Variants in PPP3CA observed in about 807,000 individuals in gnomAD.
PPP3CA encodes CAM-PRP catalytic subunit.
Under a neutral mutation model 66.5 loss-of-function variants are expected in PPP3CA, and 14 were observed. That is an observed-to-expected ratio of 0.21 (90% CI 0.14 to 0.33). The LOEUF (loss-of-function observed/expected upper bound fraction) is 0.33. Among genes scored for constraint, PPP3CA ranks in the 10% least tolerant of loss-of-function variants. The pLI is 1.00. For missense variants in PPP3CA, 317 were observed against 639.5 expected, an observed-to-expected ratio of 0.50 and a Z score of 5.44; for synonymous variants, 232 against 226.2, an observed-to-expected ratio of 1.03 and a Z score of -0.23.
intron 1 of PPP3CA, among the ~76,000 whole-genome samples, chr4:101,287,746 C>T (rs911974328): frequency 8.0e-5 from 12 of 149,578 alleles, no homozygotes; most frequent in African/African-American, 2.9e-4. Flanking sequence ...AAAATAGTAG[C>T]TAGTGTTCTA....
At position 101,064,533 on chromosome 4, in the gene PPP3CA, T is replaced by C. The variant is rs372580622; in HGVS notation, c.956-1176A>G. On this transcript the variant is annotated intron_variant, in intron 8 of 13. Coordinates refer to ENST00000394854, the MANE Select transcript of PPP3CA (RefSeq NM_000944.5). The stretch of plus-strand genomic sequence containing the variant: ...ATATGATCTTTTCTTGCTTATGTTA[T>C]GGGGTTGAAAATACAGAAAAAGTAA... Among the ~76,000 whole-genome samples the C allele has an allele frequency of 1.3e-3, 198 of 152,190 alleles. 1 individual carries two copies. The highest frequency in any genetic ancestry group is 4.6e-3 in the African/African-American group (192 of 41,564).
At chr4:101,103,845 T>C (rs993485908) in intron 3 of PPP3CA, among the ~76,000 whole-genome samples, 5 of 152,224 alleles carry the variant, frequency 3.3e-5, no homozygotes, top group African/African-American at 1.2e-4. Context: ...CACAGACCTA[T>C]ATATACACAT....
chr4:101,284,785 T>C (rs1727786228), intron 1 of PPP3CA, among the ~76,000 whole-genome samples: 1 of 152,190 alleles, frequency 6.6e-6, no homozygotes. Flanking sequence ...TGGGAGCAAC[T>C]ACATTTTTTG....
chr4:101,224,198 C>T (rs1017838714), intron 1 of PPP3CA, among the ~76,000 whole-genome samples: 7 of 151,728 alleles, frequency 4.6e-5, no homozygotes, highest in South Asian at 2.1e-4. Flanking sequence ...AGGCATAAAT[C>T]GTTACTGTCC....
At chr4:101,195,791 T>C (rs1724770556) in intron 2 of PPP3CA, 125 bp downstream of exon 2, 2 of 730,800 alleles carry the variant, frequency 2.7e-6, no homozygotes, top group South Asian at 3.7e-5. Context: ...AATGTATAGA[T>C]TCAACAGTAA....
intron 1 of PPP3CA, among the ~76,000 whole-genome samples, chr4:101,311,673 G>A (rs576620821): frequency 1.3e-5 from 2 of 152,204 alleles, no homozygotes; most frequent in East Asian, 1.9e-4. Flanking sequence ...TCAGCTACTC[G>A]GGAGGCTCAG....
At chr4:101,109,618 C>T (rs1438253268) in intron 2 of PPP3CA, among the ~76,000 whole-genome samples, 1 of 140,820 alleles carries the variant, frequency 7.1e-6, no homozygotes, top group African/African-American at 2.6e-5. Context: ...GAATGTTATC[C>T]ATTGTAAGAC....
chr4:101,065,450 G>A (rs1560584797), intron 8 of PPP3CA, among the ~76,000 whole-genome samples: 1 of 152,068 alleles, frequency 6.6e-6, no homozygotes, highest in Non-Finnish European at 1.5e-5. Flanking sequence ...AGGAAGGAAA[G>A]TAAATATTAT....
chr4:101,195,568 G>C (rs937261013), intron 2 of PPP3CA, among the ~76,000 whole-genome samples: 2 of 152,142 alleles, frequency 1.3e-5, no homozygotes, highest in African/African-American at 2.4e-5. Context: ...CTCAACCATT[G>C]TGGAAGTCTC....
At chr4:101,302,505 T>C (rs1728410435) in intron 1 of PPP3CA, among the ~76,000 whole-genome samples, 1 of 152,204 alleles carries the variant, frequency 6.6e-6, no homozygotes, top group East Asian at 1.9e-4. Context: ...GAACATGACA[T>C]GACATCTCTA....
At chr4:101,288,778 C>T (rs566557317) in intron 1 of PPP3CA, among the ~76,000 whole-genome samples, 1 of 151,798 alleles carries the variant, frequency 6.6e-6, no homozygotes, top group South Asian at 2.1e-4. Context: ...TTTTTCCCCC[C>T]AAAAAATGTT....
intron 2 of PPP3CA, among the ~76,000 whole-genome samples, chr4:101,193,317 G>C (rs940562035): frequency 6.6e-6 from 1 of 152,104 alleles, no homozygotes; most frequent in Admixed American, 6.6e-5. Context: ...TTCCATTTGT[G>C]TGTTTGCAAG....
intron 8 of PPP3CA, among the ~76,000 whole-genome samples, 185 bp from the exon 9 acceptor site, chr4:101,063,542 C>T (rs1011843240): frequency 2.6e-5 from 4 of 151,852 alleles, no homozygotes; most frequent in Admixed American, 1.3e-4. Context: ...TAATATATAA[C>T]TGCACAATAT....
intron 10 of PPP3CA, among the ~76,000 whole-genome samples, chr4:101,056,262 T>A (rs1350260681): frequency 6.6e-6 from 1 of 152,214 alleles, no homozygotes; most frequent in Non-Finnish European, 1.5e-5. Context: ...AATTGCCTAG[T>A]AAACTTAACA....
chr4:101,137,001 T>G (rs1722644306), intron 2 of PPP3CA, among the ~76,000 whole-genome samples: 2 of 152,270 alleles, frequency 1.3e-5, no homozygotes, highest in Non-Finnish European at 2.9e-5. Flanking sequence ...TCATGACTAG[T>G]GTTTGACCAA....
At chr4:101,343,069 A>G (rs531340593) in intron 1 of PPP3CA, among the ~76,000 whole-genome samples, 1 of 152,108 alleles carries the variant, frequency 6.6e-6, no homozygotes, top group African/African-American at 2.4e-5. Context: ...AAAGCACAAC[A>G]ACGCATTATC....
chr4:101,099,521 C>T, intron 4 of PPP3CA, 90 bp downstream of exon 4: 1 of 624,348 alleles, frequency 1.6e-6, no homozygotes, highest in Non-Finnish European at 2.6e-6. Flanking sequence ...TGACTTTAGG[C>T]AATAGATCAT....
At chr4:101,258,636 T>C (rs1010512947) in intron 1 of PPP3CA, among the ~76,000 whole-genome samples, 3 of 152,118 alleles carry the variant, frequency 2.0e-5, no homozygotes, top group African/African-American at 7.2e-5. Context: ...GTTTACCTAC[T>C]ACTGAGCTAA....
intron 2 of PPP3CA, among the ~76,000 whole-genome samples, chr4:101,171,816 AT>A (rs1371779360): frequency 6.6e-6 from 1 of 152,178 alleles, no homozygotes; most frequent in Admixed American, 6.6e-5. Context: ...AATATATGCA[AT>A]TGTGTAATCT....
Sources: gnomAD v4.1 joint callset for allele counts (sites outside exome capture counted in the v4.1 genomes callset) on GRCh38, gnomAD v4.1.1 for gene constraint, MANE v1.5 for transcripts, NCBI Gene and HGNC (gene_info 2026-07-23, HGNC 2026-07-21) for gene names.